Variants in DHRSX observed in about 807,000 individuals in gnomAD.
The protein encoded by DHRSX is dehydrogenase/reductase X-linked.
DHRSX carries 31 observed loss-of-function variants against 34.0 expected under a neutral mutation model. The ratio of observed to expected loss-of-function variants is 0.91; its 90% confidence interval spans 0.69 to 1.23. DHRSX has a LOEUF of 1.23. Ranked by LOEUF, DHRSX falls within the 50% of genes most tolerant of loss-of-function variation. The pLI, the probability that DHRSX is intolerant of heterozygous loss-of-function variation, is 0.00. For synonymous variants in DHRSX, 201 were observed against 183.8 expected (o/e 1.09, Z -0.76); for missense variants, 414 against 428.1 (o/e 0.97, Z 0.29).
chrX:2,444,102 C>T (rs1210437434), intron 1 of DHRSX, among the ~76,000 whole-genome samples: 1 of 152,060 alleles, frequency 6.6e-6, no homozygotes, highest in East Asian at 1.9e-4. Flanking sequence ...CTACCATCAC[C>T]GTTTTCCCTC....
chrX:2,285,727 TAAATAG>T (rs1286878681), intron 4 of DHRSX, among the ~76,000 whole-genome samples: 1 of 152,186 alleles, frequency 6.6e-6, no homozygotes, highest in Non-Finnish European at 1.5e-5. Flanking sequence ...AGGCTGCCTA[TAAATAG>T]AAACTCTATT....
intron 1 of DHRSX, among the ~76,000 whole-genome samples, chrX:2,468,492 G>T (rs2044532086): frequency 7.9e-6 from 1 of 127,098 alleles, no homozygotes; most frequent in South Asian, 3.1e-4. Context: ...CACAGACACG[G>T]ACACTCAGAA....
Position 2,304,171 on chromosome X carries a change from TGATGGATG to T in DHRSX, c.287-12576_287-12569del, listed in dbSNP as rs1183236164. 4.0e-4 allele frequency among the ~76,000 whole-genome samples: 29 copies of T among 72,812 alleles called. 1 individual carries two copies. The highest frequency in any genetic ancestry group is 2.5e-3 in the South Asian group (5 of 2,010). The allele number at this position is 72,812 out of a possible 152,430, so 47.8% of individuals were successfully genotyped here. A position where few individuals can be genotyped will look rare whatever the true frequency, so the allele number is the denominator to read the frequency against. On this transcript the variant is annotated intron_variant, in intron 3 of 6. Coordinates refer to ENST00000334651, the MANE Select transcript of DHRSX (RefSeq NM_145177.3). ...TGGATGGATGGATGGATGGATGAAC[TGATGGATG>T]GATGGATGGATGGATGGATGGATAA...
intron 4 of DHRSX, among the ~76,000 whole-genome samples, chrX:2,271,125 G>C (rs2041548179): frequency 6.6e-6 from 1 of 152,170 alleles, no homozygotes; most frequent in Admixed American, 6.5e-5. Context: ...TACACTACCT[G>C]TATGAGCTGT....
intron 3 of DHRSX, among the ~76,000 whole-genome samples, chrX:2,295,107 A>G (rs2041916609): frequency 6.6e-6 from 1 of 152,204 alleles, no homozygotes; most frequent in Admixed American, 6.5e-5. Context: ...TCATTCTACT[A>G]TAAAGACACA....
intron 5 of DHRSX, among the ~76,000 whole-genome samples, chrX:2,246,706 G>GAGAAAGAAAGAAAGAAAGAAAAGAA (rs1556432408): frequency 0.011 from 1,225 of 107,444 alleles, 30 homozygotes; most frequent in African/African-American, 0.039. Context: ...AAGAAAGAAA[G>GAGAAAGAAAGAAAGAAAGAAAAGAA]AGAAAGAAAG....
intron 6 of DHRSX, among the ~76,000 whole-genome samples, chrX:2,232,631 G>C (rs1241155741): frequency 1.3e-5 from 2 of 151,818 alleles, no homozygotes; most frequent in Admixed American, 6.6e-5. Flanking sequence ...GGAGTGCAGT[G>C]GCATGATCTT....
At chrX:2,373,970 C>A (rs2043110940) in intron 3 of DHRSX, among the ~76,000 whole-genome samples, 1 of 152,192 alleles carries the variant, frequency 6.6e-6, no homozygotes, top group Non-Finnish European at 1.5e-5. Context: ...AAGTAAGTTC[C>A]TGTAGCATCT....
intron 3 of DHRSX, among the ~76,000 whole-genome samples, chrX:2,408,351 G>A (rs1340007692): frequency 2.0e-5 from 3 of 152,106 alleles, no homozygotes; most frequent in Non-Finnish European, 4.4e-5. Context: ...TGGGATTACA[G>A]GCGCGAGCCA....
chrX:2,319,287 A>G (rs1355345475), intron 3 of DHRSX, among the ~76,000 whole-genome samples: 4 of 141,330 alleles, frequency 2.8e-5, no homozygotes, highest in East Asian at 2.2e-4. Context: ...ACTCACGCCT[A>G]TAATCCCAGC....
chrX:2,306,938 TTTTTGA>T (rs2042104952), intron 3 of DHRSX, among the ~76,000 whole-genome samples: 1 of 151,618 alleles, frequency 6.6e-6, no homozygotes, highest in Non-Finnish European at 1.5e-5. Context: ...TTTTTTTTTT[TTTTTGA>T]TTGATAGGTT....
intron 6 of DHRSX, among the ~76,000 whole-genome samples, chrX:2,222,992 C>A (rs2015554811): frequency 6.6e-6 from 1 of 152,164 alleles, no homozygotes; most frequent in Non-Finnish European, 1.5e-5. Flanking sequence ...TGCCTCTGCT[C>A]TTCTGCTGCC....
chrX:2,347,097 T>C (rs190932051), intron 3 of DHRSX, among the ~76,000 whole-genome samples: 142 of 152,332 alleles, frequency 9.3e-4, no homozygotes, highest in Admixed American at 4.4e-3. Flanking sequence ...AGTATAAGTA[T>C]GTTTTCATGC....
chrX:2,362,161 A>G (rs1322570711), intron 3 of DHRSX, among the ~76,000 whole-genome samples: 5 of 152,076 alleles, frequency 3.3e-5, no homozygotes, highest in Non-Finnish European at 5.9e-5. Flanking sequence ...CTGTTATTTC[A>G]TTGATTTTCC....
chrX:2,247,539 A>C (rs113990331), intron 5 of DHRSX, among the ~76,000 whole-genome samples: 63,924 of 150,724 alleles, frequency 0.42, 15,092 homozygotes, highest in Middle Eastern at 0.58. Flanking sequence ...CTGTAGTCCC[A>C]GCTACTCGGG....
intron 5 of DHRSX, among the ~76,000 whole-genome samples, chrX:2,249,191 C>CTTT (rs541852639): frequency 0.013 from 1,545 of 118,836 alleles, 63 homozygotes; most frequent in African/African-American, 0.025. Context: ...AATCATAAAT[C>CTTT]TTTTTTTTTT....
chrX:2,241,815 G>A (rs1471116286), intron 6 of DHRSX, among the ~76,000 whole-genome samples: 2 of 152,098 alleles, frequency 1.3e-5, no homozygotes, highest in African/African-American at 2.4e-5. Context: ...AGCTGAGGCA[G>A]GAGAATCGCT....
intron 1 of DHRSX, among the ~76,000 whole-genome samples, chrX:2,467,818 T>C (rs28594351): frequency 0.31 from 46,576 of 151,524 alleles, 7,785 homozygotes; most frequent in African/African-American, 0.45. Flanking sequence ...CTACTAAAAA[T>C]ATAAAATTAG....
intron 4 of DHRSX, among the ~76,000 whole-genome samples, chrX:2,275,937 G>A (rs1302628989): frequency 9.2e-5 from 14 of 152,052 alleles, no homozygotes; most frequent in Non-Finnish European, 1.9e-4. Context: ...TCTGCCTCCC[G>A]GGTTCCAGAA....
Sources: gnomAD v4.1 joint callset for allele counts (sites outside exome capture counted in the v4.1 genomes callset) on GRCh38, gnomAD v4.1.1 for gene constraint, MANE v1.5 for transcripts, NCBI Gene and HGNC (gene_info 2026-07-23, HGNC 2026-07-21) for gene names.